Variants in STIM2 observed in about 807,000 individuals in gnomAD.
The protein encoded by STIM2 is stromal interaction molecule 2.
Under a neutral mutation model 85.8 loss-of-function variants are expected in STIM2, and 31 were observed. The observed-to-expected ratio is 0.36, with a 90% CI of 0.27 to 0.49. STIM2 has a LOEUF of 0.49. Ranked by LOEUF, STIM2 falls within the 20% of genes least tolerant of loss-of-function variation. The probability of loss-of-function intolerance (pLI) is 0.98; values close to 1 mark genes in which losing one functional copy is unlikely to be tolerated. For missense variants in STIM2, 841 were observed against 927.6 expected, an observed-to-expected ratio of 0.91 and a Z score of 1.21; for synonymous variants, 356 against 331.1, an observed-to-expected ratio of 1.08 and a Z score of -0.82.
At chr4:26,864,942 A>G (rs1442404780) in intron 1 of STIM2, among the ~76,000 whole-genome samples, 1 of 152,078 alleles carries the variant, frequency 6.6e-6, no homozygotes, top group African/African-American at 2.4e-5. Context: ...ATTTATTTTT[A>G]TTAGTAGTTG....
At chr4:26,962,578 G>C (rs895308050) in intron 3 of STIM2, among the ~76,000 whole-genome samples, 55 of 133,680 alleles carry the variant, frequency 4.1e-4, no homozygotes, top group Non-Finnish European at 6.7e-4. Flanking sequence ...GTGTGTGTGT[G>C]TGTGTGTGTG....
chr4:27,015,065 A>G (rs1728689331), intron 10 of STIM2, among the ~76,000 whole-genome samples: 1 of 151,976 alleles, frequency 6.6e-6, no homozygotes, highest in Non-Finnish European at 1.5e-5. Flanking sequence ...ATATATCTCT[A>G]TAAGAAAATA....
rs372099767 is a variant in STIM2 at position 26,967,789 on chromosome 4, G to C, written c.397+10063G>C. Among the ~76,000 whole-genome samples the C allele has an allele frequency of 1.2e-4, 19 of 152,136 alleles. No individual in the cohort carries two copies. In the East Asian group the frequency reaches 1.4e-3, roughly 11 times the overall value. ...CTTTGCATTGTATGCATCTTCGTAA[G>C]TGATTTCTTCCCTCCACTTTCCTCT... On this transcript the variant is annotated intron_variant, in intron 3 of 11. Coordinates refer to ENST00000467087, the MANE Select transcript of STIM2 (RefSeq NM_020860.4).
chr4:27,017,668 A>AC (rs1477300513), intron 10 of STIM2, 43 bp from the exon 11 acceptor site: 2 of 1,607,964 alleles, frequency 1.2e-6, no homozygotes, highest in Non-Finnish European at 1.7e-6. Flanking sequence ...TGTAAAGGGA[A>AC]CCCTGGACTT....
intron 3 of STIM2, among the ~76,000 whole-genome samples, chr4:26,988,885 A>C (rs1242742661): frequency 6.6e-6 from 1 of 152,168 alleles, no homozygotes; most frequent in African/African-American, 2.4e-5. Context: ...TTTATTAATA[A>C]ATACCAACTC....
At chr4:26,884,945 G>A (rs1477070423) in intron 1 of STIM2, among the ~76,000 whole-genome samples, 1 of 152,198 alleles carries the variant, frequency 6.6e-6, no homozygotes, top group Non-Finnish European at 1.5e-5. Flanking sequence ...TGCCTCTTGA[G>A]TAATTGAACC....
chr4:26,860,968 C>T lies in STIM2; in HGVS notation c.-251C>T. The T allele has an allele frequency of 1.6e-6, 2 of 1,271,890 alleles. No homozygotes were observed. The highest frequency in any genetic ancestry group is 2.9e-5 in the South Asian group (2 of 69,414). 78.8% of individuals were successfully genotyped at this position (1,271,890 alleles called of 1,614,324 possible). On this transcript the variant is annotated 5_prime_UTR_variant, in exon 1 of 12. Coordinates refer to ENST00000467087, the MANE Select transcript of STIM2 (RefSeq NM_020860.4). ...AAATAACCGGAACCAATGAACGCAG[C>T]CGGGATCAGAGCTCCGGAGGCCGCC...
intron 2 of STIM2, among the ~76,000 whole-genome samples, chr4:26,930,688 G>A (rs1251364236): frequency 6.6e-6 from 1 of 152,014 alleles, no homozygotes; most frequent in African/African-American, 2.4e-5. Context: ...AAGAAAATAG[G>A]CAAAATTAGG....
intron 1 of STIM2, among the ~76,000 whole-genome samples, chr4:26,873,297 G>T (rs1332614836): frequency 1.3e-5 from 2 of 151,826 alleles, no homozygotes; most frequent in Admixed American, 6.5e-5. Context: ...TACTTGGGAG[G>T]CAGGAAAAAC....
chr4:27,009,055 T>C, intron 10 of STIM2, 53 bp downstream of exon 10: 1 of 1,494,870 alleles, frequency 6.7e-7, no homozygotes, highest in South Asian at 1.2e-5. Context: ...AGTAATTTTC[T>C]CCTATGTCCT....
In STIM2 at chr4:26,992,307, A is replaced by G. The variant is rs532803954; in HGVS notation, c.398-3072A>G. On this transcript the variant is annotated intron_variant, in intron 3 of 11. Coordinates refer to ENST00000467087, the MANE Select transcript of STIM2 (RefSeq NM_020860.4). ...TGCCTTTATACCAAGTGCTAGGGTT[A>G]GAGTGATGAGCAGAAGACTTATACT... 2.2e-4 allele frequency among the ~76,000 whole-genome samples: 33 copies of G among 152,278 alleles called. No homozygotes were observed. In the East Asian group the frequency reaches 2.3e-3, roughly 11 times the overall value.
At chr4:26,867,380 T>A (rs1722447512) in intron 1 of STIM2, among the ~76,000 whole-genome samples, 1 of 152,244 alleles carries the variant, frequency 6.6e-6, no homozygotes, top group African/African-American at 2.4e-5. Context: ...TGTGATGATT[T>A]ACAAAGTTGT....
chr4:26,966,990 C>G (rs763576358), intron 3 of STIM2, among the ~76,000 whole-genome samples: 1 of 152,072 alleles, frequency 6.6e-6, no homozygotes, highest in Non-Finnish European at 1.5e-5. Context: ...CTCTTTGCAT[C>G]GACATTAATT....
chr4:26,988,898 G>A (rs1439565042), intron 3 of STIM2, among the ~76,000 whole-genome samples: 2 of 152,040 alleles, frequency 1.3e-5, no homozygotes, highest in Admixed American at 1.3e-4. Flanking sequence ...ACCAACTCTT[G>A]TTTATTATAA....
intron 3 of STIM2, among the ~76,000 whole-genome samples, chr4:26,980,103 TA>T (rs1727329116): frequency 6.6e-6 from 1 of 152,198 alleles, no homozygotes. Context: ...GGATCATAAT[TA>T]TCTAAAATGG....
intron 1 of STIM2, among the ~76,000 whole-genome samples, chr4:26,885,851 A>ATG (rs1560194627): frequency 1.0e-3 from 48 of 47,006 alleles, no homozygotes; most frequent in Middle Eastern, 8.8e-3. Context: ...ATATATATAT[A>ATG]TATATATATA....
intron 2 of STIM2, among the ~76,000 whole-genome samples, chr4:26,953,960 G>A (rs576656024): frequency 1.2e-4 from 19 of 152,204 alleles, no homozygotes; most frequent in Non-Finnish European, 2.4e-4. Flanking sequence ...TAGGTGAGGT[G>A]TCTGTCAGTC....
chr4:26,878,612 T>C (rs1381776595), intron 1 of STIM2, among the ~76,000 whole-genome samples: 1 of 152,226 alleles, frequency 6.6e-6, no homozygotes, highest in African/African-American at 2.4e-5. Context: ...CCAGGTTTTG[T>C]GTTCTGTTCT....
intron 3 of STIM2, among the ~76,000 whole-genome samples, chr4:26,980,767 C>A (rs1303579417): frequency 6.6e-6 from 1 of 152,162 alleles, no homozygotes; most frequent in Non-Finnish European, 1.5e-5. Flanking sequence ...AGAAAGGAAT[C>A]AGTTTTCCTT....
Sources: gnomAD v4.1 joint callset for allele counts (sites outside exome capture counted in the v4.1 genomes callset) on GRCh38, gnomAD v4.1.1 for gene constraint, MANE v1.5 for transcripts, NCBI Gene and HGNC (gene_info 2026-07-23, HGNC 2026-07-21) for gene names.